PHF24: variants seen among roughly 807,000 people sequenced by gnomAD.
PHF24 encodes the protein PHD finger protein 24, also known as Galpha inhibitory interacting protein.
PHF24 carries 25 observed loss-of-function variants against 42.6 expected under a neutral mutation model. The ratio of observed to expected loss-of-function variants is 0.59; its 90% confidence interval spans 0.43 to 0.82. PHF24 has a LOEUF of 0.82. Among genes scored for constraint, PHF24 ranks in the 40% least tolerant of loss-of-function variants. The pLI is 0.00. For missense variants in PHF24, 470 were observed against 538.1 expected (o/e 0.87, Z 1.25); for synonymous variants, 185 against 204.8 (o/e 0.90, Z 0.83).
the PHF24 span, among the ~76,000 whole-genome samples, chr9:34,814,081 A>G: frequency 6.6e-6 from 1 of 152,144 alleles, no homozygotes; most frequent in Non-Finnish European, 1.5e-5. Context: ...TATGTTTTCT[A>G]TCTCTCTTTT....
the PHF24 span, chr9:34,889,089 T>C: frequency 2.5e-6 from 1 of 398,482 alleles, no homozygotes; most frequent in East Asian, 3.6e-5. Flanking sequence ...ACAAAGTATA[T>C]TTGGAGAATG....
the PHF24 span, chr9:34,922,957 G>A: frequency 1.5e-5 from 19 of 1,302,394 alleles, no homozygotes; most frequent in Admixed American, 4.1e-5. Flanking sequence ...ACCTTGTGTC[G>A]GCATGGCCTC....
chr9:34,762,665 G>A, the PHF24 span, among the ~76,000 whole-genome samples: 1 of 148,826 alleles, frequency 6.7e-6, no homozygotes, highest in Admixed American at 6.7e-5. Context: ...CACTCTGATG[G>A]TAGTTTCTTT....
the PHF24 span, among the ~76,000 whole-genome samples, chr9:34,669,106 G>A: frequency 2.6e-5 from 4 of 152,268 alleles, no homozygotes; most frequent in Non-Finnish European, 2.9e-5. Flanking sequence ...CACCTTACAC[G>A]TATTGATTGA....
the PHF24 span, among the ~76,000 whole-genome samples, chr9:34,820,366 T>C: frequency 1.3e-5 from 2 of 152,128 alleles, no homozygotes; most frequent in African/African-American, 4.8e-5. Flanking sequence ...AGGTAGTTTT[T>C]CGATCCTCAC....
chr9:34,835,483 C>G, the PHF24 span: 1 of 1,471,880 alleles, frequency 6.8e-7, no homozygotes, highest in Non-Finnish European at 9.1e-7. Flanking sequence ...GCAAGGCCAT[C>G]GGATGCATCC....
At chr9:34,807,988 G>A in the PHF24 span, among the ~76,000 whole-genome samples, 1 of 152,180 alleles carries the variant, frequency 6.6e-6, no homozygotes, top group East Asian at 1.9e-4. Context: ...CATGGATTTT[G>A]CAGTAGATAT....
the PHF24 span, among the ~76,000 whole-genome samples, chr9:34,816,441 C>A: frequency 6.6e-6 from 1 of 152,190 alleles, no homozygotes; most frequent in Non-Finnish European, 1.5e-5. Context: ...GCTGCTATAA[C>A]AAAATGCCAC....
At chr9:34,707,727 CT>C in the PHF24 span, among the ~76,000 whole-genome samples, 17 of 151,258 alleles carry the variant, frequency 1.1e-4, no homozygotes, top group Non-Finnish European at 1.5e-4. Context: ...TCTTCTCCTC[CT>C]TTTTTTTTCT....
At chr9:34,822,076 T>C in the PHF24 span, among the ~76,000 whole-genome samples, 1 of 152,226 alleles carries the variant, frequency 6.6e-6, no homozygotes, top group Non-Finnish European at 1.5e-5. Flanking sequence ...CTGGCATTTG[T>C]GCTATTGTCA....
At chr9:34,943,978 G>T in the PHF24 span, among the ~76,000 whole-genome samples, 12 of 152,200 alleles carry the variant, frequency 7.9e-5, no homozygotes, top group African/African-American at 2.9e-4. Flanking sequence ...TCTGAGCTCT[G>T]CCATAAGACA....
the PHF24 span, among the ~76,000 whole-genome samples, chr9:34,695,061 T>G: frequency 7.9e-5 from 12 of 152,206 alleles, no homozygotes; most frequent in Non-Finnish European, 1.6e-4. Flanking sequence ...AGACAGCCTC[T>G]GGATGGGAGC....
At chr9:34,695,509 A>C in the PHF24 span, among the ~76,000 whole-genome samples, 21 of 152,186 alleles carry the variant, frequency 1.4e-4, no homozygotes, top group African/African-American at 5.1e-4. Context: ...TGGGTTGTGG[A>C]AACCCTTATT....
chr9:34,866,515 C>T, the PHF24 span, among the ~76,000 whole-genome samples: 6 of 152,080 alleles, frequency 3.9e-5, no homozygotes, highest in Non-Finnish European at 8.8e-5. Flanking sequence ...GGTGACCAGC[C>T]ACAAGGTTAT....
chr9:34,741,411 G>A, the PHF24 span, among the ~76,000 whole-genome samples: 9 of 151,270 alleles, frequency 5.9e-5, no homozygotes, highest in African/African-American at 2.2e-4. Context: ...TGCCCAGGCT[G>A]GAGTGCAATG....
the PHF24 span, among the ~76,000 whole-genome samples, chr9:34,864,147 G>C: frequency 1.3e-5 from 2 of 152,178 alleles, no homozygotes; most frequent in Admixed American, 1.3e-4. Flanking sequence ...ACATCTACAG[G>C]ATCCAGGAAA....
chr9:34,677,223 A>C, the PHF24 span, among the ~76,000 whole-genome samples: 1 of 151,828 alleles, frequency 6.6e-6, no homozygotes, highest in African/African-American at 2.4e-5. Flanking sequence ...GCTCAGCCTC[A>C]TGTTCTACTT....
chr9:34,767,137 G>T, the PHF24 span, among the ~76,000 whole-genome samples: 22 of 152,324 alleles, frequency 1.4e-4, no homozygotes, highest in Non-Finnish European at 1.5e-4. Flanking sequence ...CAGTTAGGCT[G>T]CTCGGGGGTC....
At chr9:34,892,600 G>A in the PHF24 span, 1 of 444,974 alleles carries the variant, frequency 2.2e-6, no homozygotes, top group Admixed American at 3.7e-5. Context: ...TGTTGTTGTA[G>A]GTTTGGGAGC....
Sources: gnomAD v4.1 joint callset for allele counts (sites outside exome capture counted in the v4.1 genomes callset) on GRCh38, gnomAD v4.1.1 for gene constraint, MANE v1.5 for transcripts, NCBI Gene and HGNC (gene_info 2026-07-23, HGNC 2026-07-21) for gene names.